Variants in JAZF1 observed in about 807,000 individuals in gnomAD.
JAZF1 encodes the protein JAZF zinc finger 1.
JAZF1 carries 8 observed loss-of-function variants against 26.4 expected under a neutral mutation model. That is an observed-to-expected ratio of 0.30 (90% CI 0.18 to 0.55). The LOEUF (loss-of-function observed/expected upper bound fraction) is 0.55, where lower values mean the gene tolerates loss of function less well. JAZF1 is among the 20% of genes least tolerant of loss of function. The pLI is 0.94. For missense variants in JAZF1, 199 were observed against 322.0 expected, an observed-to-expected ratio of 0.62 and a Z score of 2.92; for synonymous variants, 126 against 122.3, an observed-to-expected ratio of 1.03 and a Z score of -0.20.
chr7:28,145,925 G>A (rs10281214), intron 1 of JAZF1, among the ~76,000 whole-genome samples: 3 of 152,048 alleles, frequency 2.0e-5, no homozygotes, highest in African/African-American at 7.3e-5. Context: ...ATGGGTTTGA[G>A]AGTCATGCAT....
At chr7:28,151,082 G>C (rs753941971) in intron 1 of JAZF1, among the ~76,000 whole-genome samples, 13 of 143,712 alleles carry the variant, frequency 9.0e-5, no homozygotes, top group Non-Finnish European at 1.8e-4. Flanking sequence ...GCTCTTGGGA[G>C]GGGGGATTTT....
intron 1 of JAZF1, among the ~76,000 whole-genome samples, chr7:28,144,437 C>T (rs915878554): frequency 6.6e-6 from 1 of 152,172 alleles, no homozygotes; most frequent in Admixed American, 6.5e-5. Flanking sequence ...CATCAATTTC[C>T]AAGGTCCTGA....
At chr7:28,065,957 C>G (rs1783874156) in intron 1 of JAZF1, among the ~76,000 whole-genome samples, 1 of 152,098 alleles carries the variant, frequency 6.6e-6, no homozygotes, top group South Asian at 2.1e-4. Context: ...AATACTGGAC[C>G]AGATGGATCG....
intron 1 of JAZF1, among the ~76,000 whole-genome samples, chr7:28,090,801 A>G (rs1342704176): frequency 6.8e-6 from 1 of 147,118 alleles, no homozygotes; most frequent in South Asian, 2.1e-4. Flanking sequence ...TCTATTCCAC[A>G]GACTTTTTTT....
At chr7:27,990,204 T>C (rs1285164348) in intron 2 of JAZF1, among the ~76,000 whole-genome samples, 1 of 152,166 alleles carries the variant, frequency 6.6e-6, no homozygotes, top group African/African-American at 2.4e-5. Flanking sequence ...AAACACCGCA[T>C]GTTCTCACTC....
chr7:28,067,354 A>C (rs116209707), intron 1 of JAZF1, among the ~76,000 whole-genome samples: 13 of 152,174 alleles, frequency 8.5e-5, no homozygotes, highest in Non-Finnish European at 1.6e-4. Context: ...TGGAATCTTT[A>C]TCTCTCCATT....
chr7:28,136,144 T>C (rs183296238), intron 1 of JAZF1, among the ~76,000 whole-genome samples: 9 of 152,330 alleles, frequency 5.9e-5, no homozygotes, highest in Admixed American at 2.0e-4. Flanking sequence ...GAGTAATTAC[T>C]GAATGCTCAC....
At chr7:27,929,982 C>G (rs1214660221) in intron 2 of JAZF1, among the ~76,000 whole-genome samples, 1 of 149,040 alleles carries the variant, frequency 6.7e-6, no homozygotes, top group African/African-American at 2.5e-5. Context: ...CTCCCTCCCT[C>G]TCTCTCTCTC....
chr7:27,881,737 AGAG>A (rs1783775951), intron 3 of JAZF1, among the ~76,000 whole-genome samples: 1 of 152,180 alleles, frequency 6.6e-6, no homozygotes, highest in Admixed American at 6.5e-5. Context: ...AGTTCTGTCT[AGAG>A]GAGGAGAGCT....
rs549746852 is a variant in JAZF1, at chr7:27,882,514, G to T, written c.385+12706C>A. On this transcript the variant is annotated intron_variant, in intron 3 of 4. Coordinates refer to ENST00000283928, the MANE Select transcript of JAZF1 (RefSeq NM_175061.4). The stretch of plus-strand genomic sequence containing the variant: ...TCTCTTTGTCCATGGTCCCAGAAAG[G>T]TTCTAGCAACTTCAGTTTCTTCCTG... Among the ~76,000 whole-genome samples the T allele has an allele frequency of 5.3e-5, 8 of 152,282 alleles. No homozygotes were observed. In the South Asian group the frequency reaches 1.7e-3, roughly 32 times the overall value.
intron 1 of JAZF1, among the ~76,000 whole-genome samples, chr7:28,087,004 C>T (rs1304099842): frequency 2.6e-5 from 4 of 152,190 alleles, no homozygotes; most frequent in African/African-American, 9.7e-5. Context: ...CTTCTCTTTA[C>T]TCTGTAACTC....
chr7:28,130,915 C>A (rs190668545), intron 1 of JAZF1, among the ~76,000 whole-genome samples: 1 of 152,144 alleles, frequency 6.6e-6, no homozygotes, highest in Non-Finnish European at 1.5e-5. Flanking sequence ...TTTGGCCTGA[C>A]GACTACTTTA....
intron 3 of JAZF1, among the ~76,000 whole-genome samples, chr7:27,877,563 C>T (rs1034320045): frequency 6.6e-6 from 1 of 152,132 alleles, no homozygotes; most frequent in African/African-American, 2.4e-5. Flanking sequence ...TAGGACTGAG[C>T]CAAGAGAAAA....
chr7:28,086,448 T>C (rs930992556), intron 1 of JAZF1, among the ~76,000 whole-genome samples: 2 of 152,222 alleles, frequency 1.3e-5, no homozygotes, highest in African/African-American at 4.8e-5. Flanking sequence ...AATATTTCTT[T>C]GCTCCTTAGG....
At chr7:28,005,025 T>A (rs1453214515) in intron 1 of JAZF1, among the ~76,000 whole-genome samples, 1 of 152,170 alleles carries the variant, frequency 6.6e-6, no homozygotes, top group Admixed American at 6.5e-5. Flanking sequence ...ACAGAAAGTA[T>A]TAAGCTTAGT....
At chr7:28,134,180 C>CT (rs1265962381) in intron 1 of JAZF1, among the ~76,000 whole-genome samples, 1 of 152,136 alleles carries the variant, frequency 6.6e-6, no homozygotes, top group African/African-American at 2.4e-5. Flanking sequence ...TGGGATACTG[C>CT]TTTTTTTAAT....
chr7:27,867,315 A>G (rs1473503517), intron 3 of JAZF1, among the ~76,000 whole-genome samples: 1 of 152,212 alleles, frequency 6.6e-6, no homozygotes. Flanking sequence ...TCCAAGACAT[A>G]GCATATGACA....
At chr7:27,836,466 C>T (rs1366836016) in intron 4 of JAZF1, among the ~76,000 whole-genome samples, 3 of 152,180 alleles carry the variant, frequency 2.0e-5, no homozygotes, top group East Asian at 1.9e-4. Flanking sequence ...CCATCCTGTC[C>T]TTACCTGTAT....
chr7:27,921,251 G>A (rs1197662393), intron 2 of JAZF1, among the ~76,000 whole-genome samples: 4 of 152,084 alleles, frequency 2.6e-5, no homozygotes, highest in Non-Finnish European at 5.9e-5. Context: ...ACAATTCCTA[G>A]TCTGTTTACC....
Sources: gnomAD v4.1 joint callset for allele counts (sites outside exome capture counted in the v4.1 genomes callset) on GRCh38, gnomAD v4.1.1 for gene constraint, MANE v1.5 for transcripts, NCBI Gene and HGNC (gene_info 2026-07-23, HGNC 2026-07-21) for gene names.